Variants in PTPRE observed in about 807,000 individuals in gnomAD.
The protein encoded by PTPRE is protein tyrosine phosphatase receptor type E, also known as receptor-type tyrosine-protein phosphatase epsilon.
Under a neutral mutation model 102.0 loss-of-function variants are expected in PTPRE, and 51 were observed. The observed-to-expected ratio is 0.50, with a 90% CI of 0.40 to 0.63. PTPRE has a LOEUF of 0.63. PTPRE is among the 30% of genes least tolerant of loss of function. The probability of loss-of-function intolerance (pLI) is 0.00; values close to 1 mark genes in which losing one functional copy is unlikely to be tolerated. For synonymous variants in PTPRE, 345 were observed against 348.2 expected (o/e 0.99, Z 0.10); for missense variants, 752 against 915.1 (o/e 0.82, Z 2.30).
intron 2 of PTPRE, among the ~76,000 whole-genome samples, chr10:127,997,397 A>C (rs1853376646): frequency 6.6e-6 from 1 of 152,210 alleles, no homozygotes. Context: ...TGAGGCATCA[A>C]CATCCTCCCC....
chr10:128,021,265 T>C (rs1296269330), intron 2 of PTPRE, among the ~76,000 whole-genome samples: 1 of 152,188 alleles, frequency 6.6e-6, no homozygotes, highest in Non-Finnish European at 1.5e-5. Context: ...GGCTAGACCC[T>C]GCATCTGAAG....
chr10:127,949,200 G>A (rs1848842954), intron 1 of PTPRE, among the ~76,000 whole-genome samples: 1 of 152,140 alleles, frequency 6.6e-6, no homozygotes, highest in Non-Finnish European at 1.5e-5. Flanking sequence ...TCAGCTTGAA[G>A]ATGGCCTGTT....
chr10:127,963,485 G>A (rs1003365347), intron 1 of PTPRE, among the ~76,000 whole-genome samples: 5 of 152,224 alleles, frequency 3.3e-5, no homozygotes, highest in Admixed American at 1.3e-4. Flanking sequence ...ACACATAGTA[G>A]ATGCCCAGAA....
At chr10:128,002,417 G>A (rs1044108786) in intron 2 of PTPRE, among the ~76,000 whole-genome samples, 1 of 152,136 alleles carries the variant, frequency 6.6e-6, no homozygotes, top group Non-Finnish European at 1.5e-5. Flanking sequence ...GAGGAAGTCA[G>A]TAGTGGGGAG....
chr10:128,051,729 T>C (rs1001114856), intron 6 of PTPRE, among the ~76,000 whole-genome samples: 8 of 152,246 alleles, frequency 5.3e-5, no homozygotes, highest in African/African-American at 1.7e-4. Context: ...TGGCTGAACA[T>C]TGGAGTCCTT....
chr10:127,964,814 A>G (rs1850114554), intron 1 of PTPRE: 1 of 287,362 alleles, frequency 3.5e-6, no homozygotes, highest in African/African-American at 2.2e-5. Flanking sequence ...TGCCATGAAC[A>G]GTTTCATTTT....
At position 128,056,194 on chromosome 10, in the gene PTPRE, A is replaced by G; in HGVS notation, c.492A>G (p.Arg164=). The change falls in exon 7 of 21, where the codon AGA becomes AGG. Residue 164 remains arginine, a synonymous_variant. Transcript: ENST00000254667. ...ANKEENREKN[R]YPNILPNDHS... is the part of the protein sequence containing the mutation. ...AAGAAGAAAACAGAGAAAAAAACAG[A>G]TATCCCAACATCCTTCCCAGTAAGA... The G allele has an allele frequency of 6.2e-7, 1 of 1,607,560 alleles. No homozygotes were observed. Among genetic ancestry groups the G allele is most frequent in the Non-Finnish European group, 8.5e-7 (1 of 1,174,076 alleles).
chr10:127,909,191 G>C (rs1283647673), intron 1 of PTPRE, among the ~76,000 whole-genome samples: 1 of 152,198 alleles, frequency 6.6e-6, no homozygotes, highest in East Asian at 1.9e-4. Flanking sequence ...CCAGGGATGC[G>C]TGTGTGCAAA....
intron 2 of PTPRE, among the ~76,000 whole-genome samples, chr10:127,984,861 G>T (rs1018882490): frequency 5.9e-5 from 9 of 152,250 alleles, no homozygotes; most frequent in African/African-American, 2.2e-4. Flanking sequence ...TTTGTAAATT[G>T]CCCAGTCTTG....
At chr10:128,002,556 T>A (rs1180759826) in intron 2 of PTPRE, among the ~76,000 whole-genome samples, 1 of 152,146 alleles carries the variant, frequency 6.6e-6, no homozygotes, top group African/African-American at 2.4e-5. Flanking sequence ...GGCCAGGGCC[T>A]GCTCCTGGCT....
chr10:127,960,432 G>A (rs917519182), intron 1 of PTPRE, among the ~76,000 whole-genome samples: 2 of 152,172 alleles, frequency 1.3e-5, no homozygotes, highest in African/African-American at 4.8e-5. Flanking sequence ...CTGGCCTTGG[G>A]CCCTTTGATC....
At chr10:127,988,590 C>T (rs1852326754) in intron 2 of PTPRE, among the ~76,000 whole-genome samples, 1 of 152,196 alleles carries the variant, frequency 6.6e-6, no homozygotes, top group Non-Finnish European at 1.5e-5. Context: ...CAGGCATGAG[C>T]CACCCTACCT....
At chr10:127,968,572 C>T (rs1850447542) in intron 1 of PTPRE, among the ~76,000 whole-genome samples, 1 of 152,182 alleles carries the variant, frequency 6.6e-6, no homozygotes, top group African/African-American at 2.4e-5. Context: ...CATGCTCATT[C>T]CCACACAGAA....
At chr10:128,056,478 G>A (rs146229166) in intron 7 of PTPRE, among the ~76,000 whole-genome samples, 15 of 152,320 alleles carry the variant, frequency 9.8e-5, no homozygotes, top group African/African-American at 1.9e-4. Context: ...GGGGCCCAGC[G>A]GGTAAGGGTG....
intron 1 of PTPRE, among the ~76,000 whole-genome samples, chr10:127,965,272 G>A (rs1850158143): frequency 6.6e-6 from 1 of 151,680 alleles, no homozygotes; most frequent in African/African-American, 2.4e-5. Context: ...GACAAAAGAA[G>A]TTCTTCAGTT....
At chr10:128,030,529 A>G (rs561100192) in intron 2 of PTPRE, among the ~76,000 whole-genome samples, 4 of 152,104 alleles carry the variant, frequency 2.6e-5, no homozygotes, top group Non-Finnish European at 5.9e-5. Flanking sequence ...GCTGGAGAGA[A>G]TCCACGTGTC....
intron 1 of PTPRE, among the ~76,000 whole-genome samples, chr10:127,927,247 C>G (rs534610507): frequency 1.2e-3 from 188 of 152,184 alleles, no homozygotes; most frequent in Non-Finnish European, 2.2e-3. Context: ...TGAACAGTAG[C>G]GTATTTCTCC....
intron 1 of PTPRE, among the ~76,000 whole-genome samples, chr10:127,932,755 T>C (rs1847539614): frequency 6.6e-6 from 1 of 152,186 alleles, no homozygotes; most frequent in Non-Finnish European, 1.5e-5. Flanking sequence ...CTGGCCCAGC[T>C]GGTTCTCTGC....
chr10:128,084,184 A>T lies in PTPRE; in HGVS notation c.*1278A>T, dbSNP rs1851938162. 2 of 152,154 alleles carry T rather than the reference A, an allele frequency of 1.3e-5. No individual in the cohort carries two copies. The highest frequency in any genetic ancestry group is 4.1e-4 in the South Asian group (2 of 4,834). The allele number at this position is 152,154 out of a possible 1,614,324, so 9.4% of individuals were successfully genotyped here. ...ATGGGGTGTGAATGTACCAACACTG[A>T]ATCTTACAGCAGTTATCTTTCTATG... On this transcript the variant is annotated 3_prime_UTR_variant, in exon 21 of 21. Coordinates refer to ENST00000254667, the MANE Select transcript of PTPRE (RefSeq NM_006504.6).
Sources: gnomAD v4.1 joint callset for allele counts (sites outside exome capture counted in the v4.1 genomes callset) on GRCh38, gnomAD v4.1.1 for gene constraint, MANE v1.5 for transcripts, NCBI Gene and HGNC (gene_info 2026-07-23, HGNC 2026-07-21) for gene names.